DCDC1: variants seen among roughly 807,000 people sequenced by gnomAD.
DCDC1 encodes doublecortin domain-containing protein 1.
DCDC1 carries 200 observed loss-of-function variants against 178.3 expected under a neutral mutation model. The ratio of observed to expected loss-of-function variants is 1.12; its 90% CI spans 1.00 to 1.26. The LOEUF is 1.26. DCDC1 is among the 50% of genes most tolerant of loss of function. The probability of loss-of-function intolerance (pLI) is 0.00; values close to 1 mark genes in which losing one functional copy is unlikely to be tolerated. For missense variants in DCDC1, 1,983 were observed against 1,749.2 expected, an observed-to-expected ratio of 1.13 and a Z score of -2.38; for synonymous variants, 690 against 604.8, an observed-to-expected ratio of 1.14 and a Z score of -2.07.
intron 13 of DCDC1, among the ~76,000 whole-genome samples, chr11:31,104,800 A>G (rs1051398251): frequency 4.6e-5 from 7 of 152,116 alleles, no homozygotes; most frequent in Non-Finnish European, 8.8e-5. Context: ...TGGGAGATAT[A>G]TAACAGGTAA....
intron 38 of DCDC1, among the ~76,000 whole-genome samples, chr11:30,870,407 C>T (rs1459937065): frequency 6.6e-6 from 1 of 152,194 alleles, no homozygotes; most frequent in African/African-American, 2.4e-5. Context: ...ACCACTGTCA[C>T]ACCCAGTGAA....
At chr11:31,351,189 A>G in intron 1 of DCDC1, among the ~76,000 whole-genome samples, 1 of 152,224 alleles carries the variant, frequency 6.6e-6, no homozygotes, top group South Asian at 2.1e-4. Context: ...TACTAATTTA[A>G]GCCAGGCTGA....
chr11:30,914,633 A>C (rs372658488), intron 27 of DCDC1, among the ~76,000 whole-genome samples: 15 of 16,572 alleles, frequency 9.1e-4, no homozygotes, highest in African/African-American at 2.2e-3. Flanking sequence ...ATATGCACCC[A>C]AAAAAAAAAA....
intron 20 of DCDC1, among the ~76,000 whole-genome samples, chr11:30,993,020 T>C (rs546309447): frequency 2.0e-5 from 3 of 152,194 alleles, no homozygotes; most frequent in Admixed American, 6.5e-5. Context: ...AAATTAGGCT[T>C]AACTTTCCTA....
intron 32 of DCDC1, among the ~76,000 whole-genome samples, chr11:30,901,024 C>T (rs1944626555): frequency 6.6e-6 from 1 of 152,054 alleles, no homozygotes; most frequent in Non-Finnish European, 1.5e-5. Flanking sequence ...ATAAATACCA[C>T]CTTGTTTTTA....
intron 9 of DCDC1, among the ~76,000 whole-genome samples, chr11:31,155,472 A>C (rs978140111): frequency 3.9e-5 from 6 of 152,232 alleles, no homozygotes; most frequent in Admixed American, 6.5e-5. Context: ...TCTCCACAGA[A>C]AAAATAATCT....
intron 9 of DCDC1, among the ~76,000 whole-genome samples, chr11:31,207,638 T>C (rs569711342): frequency 1.4e-4 from 22 of 152,332 alleles, no homozygotes; most frequent in Admixed American, 8.5e-4. Context: ...TATCTGATTA[T>C]TCATATTTAG....
At chr11:30,865,990 T>A (rs1412377283) in intron 38 of DCDC1, among the ~76,000 whole-genome samples, 1 of 152,106 alleles carries the variant, frequency 6.6e-6, no homozygotes, top group Non-Finnish European at 1.5e-5. Flanking sequence ...CCCCAGCACC[T>A]CAGGATGTGA....
chr11:31,306,343 C>A lies in DCDC1; in HGVS notation c.480G>T (p.Trp160Cys), dbSNP rs1948457934. 6.2e-7 allele frequency: 1 copy of A among 1,609,302 alleles called. No individual in the cohort carries two copies. Reference sequence around the variant, plus strand: ...GTTTGTGTCTTTGAGACAATTTCTGCCAATTCCGGGCTGACTGAAATTTTA... The same window carrying A: ...GTTTGTGTCTTTGAGACAATTTCTGACAATTCCGGGCTGACTGAAATTTTA... ...SSLKFQSARN[W>C]QKLSQRHKLQ... Residue 160 changes from tryptophan to cysteine, a missense_variant, in exon 5 of 39, where the codon TGG (tryptophan) becomes TGT (cysteine). Physicochemically the swap from Trp to Cys is radical, Grantham distance 215. Transcript: ENST00000684477.
intron 7 of DCDC1, among the ~76,000 whole-genome samples, chr11:31,267,737 A>C (rs1945266188): frequency 6.6e-6 from 1 of 152,206 alleles, no homozygotes; most frequent in Admixed American, 6.5e-5. Flanking sequence ...ATGCTGGGAA[A>C]GCAATGTTGA....
At chr11:30,958,199 C>T (rs767054886) in intron 20 of DCDC1, among the ~76,000 whole-genome samples, 16 of 152,122 alleles carry the variant, frequency 1.1e-4, no homozygotes, top group Non-Finnish European at 2.2e-4. Context: ...GAAGACAAAA[C>T]TGGAAGATCA....
chr11:30,922,738 TTAATA>T, intron 23 of DCDC1, 100 bp from the exon 24 acceptor site: 1 of 1,188,890 alleles, frequency 8.4e-7, no homozygotes, highest in Non-Finnish European at 1.1e-6. Flanking sequence ...AAATGTCCTA[TTAATA>T]TAATAGGTGA....
At chr11:31,197,724 T>C (rs1053090888) in intron 9 of DCDC1, among the ~76,000 whole-genome samples, 1 of 152,084 alleles carries the variant, frequency 6.6e-6, no homozygotes, top group African/African-American at 2.4e-5. Context: ...TCAGTTTATG[T>C]GCCTCCAAAC....
intron 10 of DCDC1, among the ~76,000 whole-genome samples, chr11:31,128,838 A>G (rs1024726274): frequency 6.6e-6 from 1 of 152,096 alleles, no homozygotes; most frequent in African/African-American, 2.4e-5. Context: ...TTCCTTTTTG[A>G]AATCTAGGTG....
At chr11:31,335,152 C>T (rs867795595) in intron 2 of DCDC1, among the ~76,000 whole-genome samples, 3 of 152,192 alleles carry the variant, frequency 2.0e-5, no homozygotes, top group Non-Finnish European at 4.4e-5. Context: ...GCAGGTCGAT[C>T]TCAGACTGCT....
At chr11:31,223,629 G>C (rs144051853) in intron 9 of DCDC1, among the ~76,000 whole-genome samples, 1 of 152,110 alleles carries the variant, frequency 6.6e-6, no homozygotes, top group African/African-American at 2.4e-5. Flanking sequence ...TAAGTAGACT[G>C]TAGTATGTTC....
intron 1 of DCDC1, among the ~76,000 whole-genome samples, chr11:31,346,314 AT>A (rs969047734): frequency 6.6e-6 from 1 of 151,902 alleles, no homozygotes; most frequent in Non-Finnish European, 1.5e-5. Flanking sequence ...ACAAAAAAAA[AT>A]TAGCCCGGCA....
At chr11:31,045,868 T>C (rs1003949839) in intron 20 of DCDC1, among the ~76,000 whole-genome samples, 1 of 152,204 alleles carries the variant, frequency 6.6e-6, no homozygotes, top group Non-Finnish European at 1.5e-5. Flanking sequence ...TCATAGGCAG[T>C]TACACAGAGC....
chr11:31,110,503 C>T, intron 11 of DCDC1, 142 bp from the exon 12 acceptor site: 1 of 542,576 alleles, frequency 1.8e-6, no homozygotes, highest in Non-Finnish European at 3.3e-6. Context: ...GGGAATTGTG[C>T]AAAGCAAGGA....
Sources: allele counts gnomAD v4.1 joint callset (sites outside exome capture counted in the v4.1 genomes callset), GRCh38; gene constraint gnomAD v4.1.1; transcripts MANE v1.5; gene names NCBI Gene and HGNC (gene_info 2026-07-23, HGNC 2026-07-21).